Variants in DERA observed in about 807,000 individuals in gnomAD.
The protein encoded by DERA is 2-deoxy-D-ribose 5-phosphate aldolase.
A neutral mutation model predicts 41.1 loss-of-function variants in DERA; 15 were observed. The ratio of observed to expected loss-of-function variants is 0.37; its 90% confidence interval spans 0.24 to 0.56. DERA has a LOEUF of 0.56. DERA is among the 20% of genes least tolerant of loss of function. The pLI is 0.81. For synonymous variants in DERA, 139 were observed against 137.4 expected, an observed-to-expected ratio of 1.01 and a Z score of -0.08; for missense variants, 396 against 403.4, an observed-to-expected ratio of 0.98 and a Z score of 0.16.
chr12:16,001,181 T>C lies in DERA; in HGVS notation c.637+18745T>C, dbSNP rs952367677. Among the ~76,000 whole-genome samples the C allele has an allele frequency of 6.6e-6, 1 of 152,198 alleles. No individual in the cohort carries two copies. Among genetic ancestry groups the C allele is most frequent in the African/African-American group, 2.4e-5 (1 of 41,448 alleles). On this transcript the variant is annotated intron_variant, in intron 6 of 8. Transcript: ENST00000428559. This position sits in a 1 kb window ranked among gnomAD's most constrained non-coding sequence, Gnocchi z 4.1. ...GGGCTCCCATTAGAGGATGGGTCAG[T>C]AGGTGCAGCAAACCACCACGGCACA...
intron 1 of DERA, among the ~76,000 whole-genome samples, chr12:15,927,721 AT>A (rs1322583986): frequency 6.6e-5 from 10 of 152,310 alleles, no homozygotes; most frequent in Middle Eastern, 6.8e-3. Context: ...TGCATTCTCA[AT>A]CTGAAAATTA....
intron 1 of DERA, among the ~76,000 whole-genome samples, chr12:15,930,214 C>A (rs1319769845): frequency 6.6e-6 from 1 of 152,048 alleles, no homozygotes; most frequent in Non-Finnish European, 1.5e-5. Context: ...GGGGTATTTG[C>A]TGACTGGAAT....
chr12:15,977,370 G>A (rs1275736721), intron 5 of DERA, among the ~76,000 whole-genome samples: 1 of 152,214 alleles, frequency 6.6e-6, no homozygotes, highest in Admixed American at 6.5e-5. Flanking sequence ...TTCCACGTAT[G>A]AAGACATGAC....
At chr12:16,007,730 T>C (rs1216457153) in intron 6 of DERA, among the ~76,000 whole-genome samples, 1 of 152,228 alleles carries the variant, frequency 6.6e-6, no homozygotes, top group African/African-American at 2.4e-5. Context: ...TCAGGCCCAG[T>C]GTCTTCTTCA....
At chr12:16,015,222 G>A (rs925719744) in intron 6 of DERA, among the ~76,000 whole-genome samples, 1 of 152,126 alleles carries the variant, frequency 6.6e-6, no homozygotes, top group African/African-American at 2.4e-5. Flanking sequence ...CATGAGACTT[G>A]GGAAGGGCCA....
At chr12:16,029,992 G>T (rs1949081047) in intron 6 of DERA, among the ~76,000 whole-genome samples, 1 of 124,030 alleles carries the variant, frequency 8.1e-6, no homozygotes, top group African/African-American at 3.0e-5. Flanking sequence ...GCACAATCTC[G>T]GCTCACTGCA....
chr12:15,988,869 T>C lies in DERA; in HGVS notation c.637+6433T>C, dbSNP rs1349225555. Among the ~76,000 whole-genome samples, 1 of 152,194 alleles carries C rather than the reference T, an allele frequency of 6.6e-6. No individual in the cohort carries two copies. The highest frequency in any genetic ancestry group is 1.5e-5 in the Non-Finnish European group (1 of 68,030). ...CCTCAGCCCCTTGGCCTTTCTCCTA[T>C]GCTTGTTGTCGCCCAAAGTCCAGAG... On this transcript the variant is annotated intron_variant, in intron 6 of 8. Coordinates refer to ENST00000428559, the MANE Select transcript of DERA (RefSeq NM_015954.4). This position sits in a 1 kb window ranked among gnomAD's most constrained non-coding sequence, Gnocchi z 6.0.
intron 5 of DERA, chr12:15,971,876 AT>A: frequency 9.5e-6 from 3 of 316,084 alleles, no homozygotes. Flanking sequence ...AGGCCAGCAG[AT>A]TTTGGAGCAC....
At chr12:15,979,748 C>T (rs1000971993) in intron 5 of DERA, among the ~76,000 whole-genome samples, 1 of 152,228 alleles carries the variant, frequency 6.6e-6, no homozygotes, top group African/African-American at 2.4e-5. Context: ...TGACCACTTG[C>T]AGTTCATTCT....
intron 5 of DERA, among the ~76,000 whole-genome samples, chr12:15,979,398 A>G (rs988773552): frequency 2.6e-5 from 4 of 152,238 alleles, no homozygotes; most frequent in Admixed American, 2.0e-4. Flanking sequence ...TGATGCCACA[A>G]TAATAAAGAA....
chr12:15,937,806 A>T lies in DERA; in HGVS notation c.32-19130A>T, dbSNP rs552174678. Among the ~76,000 whole-genome samples the T allele has an allele frequency of 3.9e-5, 6 of 152,296 alleles. No individual in the cohort carries two copies. In the South Asian group the frequency reaches 1.0e-3, roughly 26 times the overall value. On this transcript the variant is annotated intron_variant, in intron 1 of 8. Coordinates refer to ENST00000428559, the MANE Select transcript of DERA (RefSeq NM_015954.4). Reference sequence around the variant, plus strand: ...ATTAATCTTGGTTAAGTGAATGGCTATACTTCCTTTATTCTGGTGTATCAG... The same window carrying T: ...ATTAATCTTGGTTAAGTGAATGGCTTTACTTCCTTTATTCTGGTGTATCAG...
At chr12:15,939,419 G>C (rs1301610620) in intron 1 of DERA, among the ~76,000 whole-genome samples, 1 of 152,160 alleles carries the variant, frequency 6.6e-6, no homozygotes, top group Non-Finnish European at 1.5e-5. Flanking sequence ...ACAGTCAAAA[G>C]AGACAAGTTG....
chr12:15,993,461 A>G lies in DERA; in HGVS notation c.637+11025A>G, dbSNP rs1948815280. ...GTATTGATCCAGATGGCACATCTAG[A>G]CTCCTGTGGTGTTGTGGCCTTTTTT... On this transcript the variant is annotated intron_variant, in intron 6 of 8. Coordinates refer to ENST00000428559, the MANE Select transcript of DERA (RefSeq NM_015954.4). The surrounding 1 kb of genome is among the most constrained non-coding windows in gnomAD (Gnocchi z 4.4). Among the ~76,000 whole-genome samples, 1 of 149,802 alleles carries G rather than the reference A, an allele frequency of 6.7e-6. No homozygotes were observed. The highest frequency in any genetic ancestry group is 2.5e-5 in the African/African-American group (1 of 40,736).
chr12:15,937,668 T>C (rs183225812), intron 1 of DERA, among the ~76,000 whole-genome samples: 3 of 152,348 alleles, frequency 2.0e-5, no homozygotes, highest in Admixed American at 1.3e-4. Context: ...TTCTTCTCCC[T>C]TCTCCTTTGG....
intron 4 of DERA, among the ~76,000 whole-genome samples, chr12:15,962,210 C>T (rs1039177711): frequency 2.0e-5 from 3 of 152,132 alleles, no homozygotes; most frequent in Non-Finnish European, 2.9e-5. Context: ...CAACCCTGCC[C>T]CTGCCTCAAT....
chr12:15,964,117 T>A (rs1948607122), intron 5 of DERA, among the ~76,000 whole-genome samples: 1 of 152,178 alleles, frequency 6.6e-6, no homozygotes. Context: ...GCTGTTAATG[T>A]CAAGGGCACT....
rs1302580818 is a variant in DERA, at chr12:15,982,833, T to A, written c.637+397T>A. ...TATATCCATACTATCTGAGACAGCC[T>A]CTGCTTTTGTTTGTGTTAATGTTTT... is the stretch of plus-strand genomic sequence containing the variant. On this transcript the variant is annotated intron_variant, in intron 6 of 8. Transcript: ENST00000428559. This position sits in a 1 kb window ranked among gnomAD's most constrained non-coding sequence, Gnocchi z 4.0. Among the ~76,000 whole-genome samples, 8 of 152,254 alleles carry A rather than the reference T, an allele frequency of 5.3e-5. No individual in the cohort carries two copies. The highest frequency in any genetic ancestry group is 5.2e-4 in the Admixed American group (8 of 15,290).
At chr12:16,018,761 G>T (rs975548466) in intron 6 of DERA, among the ~76,000 whole-genome samples, 1 of 151,944 alleles carries the variant, frequency 6.6e-6, no homozygotes, top group Non-Finnish European at 1.5e-5. Flanking sequence ...TTGTGCTAAA[G>T]ATTTCAAATT....
chr12:15,968,189 C>G (rs1208457756), intron 5 of DERA, among the ~76,000 whole-genome samples: 1 of 151,446 alleles, frequency 6.6e-6, no homozygotes, highest in Non-Finnish European at 1.5e-5. Flanking sequence ...TACGTAAATT[C>G]ATACATTGAA....
Sources: allele counts gnomAD v4.1 joint callset (sites outside exome capture counted in the v4.1 genomes callset), GRCh38; gene constraint gnomAD v4.1.1; non-coding constraint Gnocchi (gnomAD v3.1); transcripts MANE v1.5; gene names NCBI Gene and HGNC (gene_info 2026-07-23, HGNC 2026-07-21).